MACROD2: variants seen among roughly 807,000 people sequenced by gnomAD.
MACROD2 encodes the protein mono-ADP ribosylhydrolase 2, also known as ADP-ribose glycohydrolase MACROD2.
In MACROD2, 36 loss-of-function variants were observed where a neutral mutation model predicts 70.4. The ratio of observed to expected loss-of-function variants is 0.51; its 90% CI spans 0.39 to 0.68. MACROD2 has a LOEUF of 0.68. Ranked by LOEUF, MACROD2 falls within the 30% of genes least tolerant of loss-of-function variation. The pLI is 0.00. For missense variants in MACROD2, 496 were observed against 538.4 expected (o/e 0.92, Z 0.78); for synonymous variants, 172 against 178.8 (o/e 0.96, Z 0.30).
intron 6 of MACROD2, among the ~76,000 whole-genome samples, chr20:15,329,891 A>G (rs1468934005): frequency 6.6e-6 from 1 of 152,058 alleles, no homozygotes; most frequent in Non-Finnish European, 1.5e-5. Flanking sequence ...GACACAGAGG[A>G]GGGTCACTCT....
intron 5 of MACROD2, among the ~76,000 whole-genome samples, chr20:15,155,555 C>A (rs891356608): frequency 6.6e-6 from 1 of 152,140 alleles, no homozygotes; most frequent in African/African-American, 2.4e-5. Context: ...CTGACTCTTC[C>A]TAGTGATGTC....
intron 4 of MACROD2, among the ~76,000 whole-genome samples, chr20:14,642,970 A>G (rs907481354): frequency 3.3e-5 from 5 of 152,176 alleles, no homozygotes; most frequent in African/African-American, 1.2e-4. Flanking sequence ...CGTGGAGCAC[A>G]GTAAAGTAAG....
At chr20:15,157,069 A>C (rs932282795) in intron 5 of MACROD2, among the ~76,000 whole-genome samples, 1 of 152,184 alleles carries the variant, frequency 6.6e-6, no homozygotes, top group Non-Finnish European at 1.5e-5. Flanking sequence ...ATTTTGAAAA[A>C]GTTGACTTAG....
intron 6 of MACROD2, among the ~76,000 whole-genome samples, chr20:15,383,298 C>T (rs2045669145): frequency 6.6e-6 from 1 of 152,132 alleles, no homozygotes; most frequent in Non-Finnish European, 1.5e-5. Context: ...TCAGAGTTTG[C>T]CAGAGTTGTC....
At chr20:15,696,149 T>C (rs1459243706) in intron 8 of MACROD2, among the ~76,000 whole-genome samples, 1 of 152,186 alleles carries the variant, frequency 6.6e-6, no homozygotes, top group Non-Finnish European at 1.5e-5. Flanking sequence ...TTTCAACTTT[T>C]CCCCATTCAG....
chr20:14,972,456 T>C (rs1204321680), intron 5 of MACROD2, among the ~76,000 whole-genome samples: 1 of 152,188 alleles, frequency 6.6e-6, no homozygotes, highest in Non-Finnish European at 1.5e-5. Flanking sequence ...TGTAAATTCA[T>C]GGGTGACTCA....
At chr20:15,561,683 G>A (rs2048245963) in intron 8 of MACROD2, among the ~76,000 whole-genome samples, 2 of 152,208 alleles carry the variant, frequency 1.3e-5, no homozygotes, top group South Asian at 2.1e-4. Context: ...TTTAAGCAGT[G>A]CCTTTGGCTT....
At chr20:15,524,774 TAATTAA>T (rs1026552142) in intron 8 of MACROD2, among the ~76,000 whole-genome samples, 2 of 152,228 alleles carry the variant, frequency 1.3e-5, no homozygotes, top group African/African-American at 2.4e-5. Flanking sequence ...GTAGCTATTT[TAATTAA>T]AATTAAAGTT....
At chr20:14,317,971 A>G (rs1341191330) in intron 3 of MACROD2, among the ~76,000 whole-genome samples, 2 of 152,226 alleles carry the variant, frequency 1.3e-5, no homozygotes, top group African/African-American at 4.8e-5. Context: ...TATGTGTAAG[A>G]CGTCACTAAT....
intron 8 of MACROD2, among the ~76,000 whole-genome samples, chr20:15,777,972 C>T (rs6135506): frequency 0.2 from 30,289 of 152,036 alleles, 3,093 homozygotes; most frequent in Non-Finnish European, 0.22. Flanking sequence ...TAGAATACAA[C>T]GCTCCCAACT....
chr20:15,366,179 A>G (rs576518590), intron 6 of MACROD2, among the ~76,000 whole-genome samples: 1 of 152,336 alleles, frequency 6.6e-6, no homozygotes, highest in Non-Finnish European at 1.5e-5. Flanking sequence ...GCTTGGGCCA[A>G]CTGTGTGTAT....
intron 8 of MACROD2, among the ~76,000 whole-genome samples, chr20:15,709,939 C>T (rs1430831194): frequency 6.6e-6 from 1 of 152,052 alleles, no homozygotes; most frequent in African/African-American, 2.4e-5. Flanking sequence ...ACCCTCCAAC[C>T]CTACTACCTA....
At chr20:15,766,584 C>T (rs2051529571) in intron 8 of MACROD2, among the ~76,000 whole-genome samples, 1 of 152,104 alleles carries the variant, frequency 6.6e-6, no homozygotes, top group East Asian at 1.9e-4. Context: ...TAAGAATCAC[C>T]CTCAAACCCC....
chr20:15,184,431 C>G (rs1246912568), intron 5 of MACROD2, among the ~76,000 whole-genome samples: 2 of 152,198 alleles, frequency 1.3e-5, no homozygotes, highest in Non-Finnish European at 2.9e-5. Context: ...ACAACCCCAG[C>G]ATCTCAGTGA....
intron 3 of MACROD2, among the ~76,000 whole-genome samples, chr20:14,286,786 C>T (rs987865892): frequency 6.6e-6 from 1 of 152,040 alleles, no homozygotes; most frequent in African/African-American, 2.4e-5. Context: ...ATTTTTTACT[C>T]TCTATTTAAA....
chr20:15,004,774 A>T (rs2075023013), intron 5 of MACROD2, among the ~76,000 whole-genome samples: 1 of 152,220 alleles, frequency 6.6e-6, no homozygotes, highest in African/African-American at 2.4e-5. Flanking sequence ...CAAACTGTTT[A>T]CTGTTAAATG....
chr20:15,269,853 C>T (rs942357416), intron 6 of MACROD2, among the ~76,000 whole-genome samples: 8 of 152,204 alleles, frequency 5.3e-5, no homozygotes, highest in African/African-American at 1.9e-4. Flanking sequence ...ACTAATGAGG[C>T]TTCCATTTAC....
At chr20:14,828,629 A>G (rs1487812675) in intron 5 of MACROD2, among the ~76,000 whole-genome samples, 1 of 151,994 alleles carries the variant, frequency 6.6e-6, no homozygotes, top group African/African-American at 2.4e-5. Flanking sequence ...TTCTAATGGA[A>G]CTTGTGCTGT....
chr20:15,981,178 C>G (rs550134757), intron 13 of MACROD2, among the ~76,000 whole-genome samples: 44 of 152,128 alleles, frequency 2.9e-4, no homozygotes, highest in Non-Finnish European at 5.3e-4. Flanking sequence ...GGCTCTATGT[C>G]TACATATCCA....
Sources: allele counts gnomAD v4.1 joint callset (sites outside exome capture counted in the v4.1 genomes callset), GRCh38; gene constraint gnomAD v4.1.1; transcripts MANE v1.5; gene names NCBI Gene and HGNC (gene_info 2026-07-23, HGNC 2026-07-21).